The following STN1 variants were observed in gnomAD, a reference collection of about 807,000 sequenced individuals.
The protein encoded by STN1 is CST complex subunit STN1.
Under a neutral mutation model 45.5 loss-of-function variants are expected in STN1, and 29 were observed. The observed-to-expected ratio is 0.64, with a 90% CI of 0.47 to 0.87. The LOEUF is 0.87. Ranked by LOEUF, STN1 falls within the 40% of genes least tolerant of loss-of-function variation. The probability of loss-of-function intolerance (pLI) is 0.00; values close to 1 mark genes in which losing one functional copy is unlikely to be tolerated. For synonymous variants in STN1, 148 were observed against 159.0 expected, an observed-to-expected ratio of 0.93 and a Z score of 0.52; for missense variants, 376 against 441.4, an observed-to-expected ratio of 0.85 and a Z score of 1.33.
At chr10:103,911,010 T>G (rs951266037) in intron 2 of STN1, among the ~76,000 whole-genome samples, 2 of 49,628 alleles carry the variant, frequency 4.0e-5, no homozygotes, top group Non-Finnish European at 6.0e-5. Flanking sequence ...AAAGGCTTCT[T>G]TGGCTTTTTT....
At chr10:103,891,475 C>T (rs1843138972) in intron 8 of STN1, among the ~76,000 whole-genome samples, 1 of 152,158 alleles carries the variant, frequency 6.6e-6, no homozygotes, top group South Asian at 2.1e-4. Context: ...GGGTGTTGCT[C>T]CTGGTCTCTA....
chr10:103,912,821 G>A lies in STN1; in HGVS notation c.134-2199C>T, dbSNP rs572476462. Among the ~76,000 whole-genome samples, 6 of 152,322 alleles carry A rather than the reference G, an allele frequency of 3.9e-5. No homozygotes were observed. In the East Asian group the frequency reaches 5.8e-4, roughly 15 times the overall value. On this transcript the variant is annotated intron_variant, in intron 2 of 9. Transcript: ENST00000224950. ...GTTTTATAGAATAGGGCTGGCCCCC[G>A]CTCCCCTGGCCTACGTGATGGTCCT...
intron 3 of STN1, among the ~76,000 whole-genome samples, chr10:103,908,248 T>G (rs778538203): frequency 6.6e-6 from 1 of 150,720 alleles, no homozygotes; most frequent in Non-Finnish European, 1.5e-5. Context: ...AAGTGTTCTG[T>G]GCACTCTGGG....
chr10:103,910,628 A>G lies in STN1; in HGVS notation c.134-6T>C. On this transcript the variant is annotated splice_polypyrimidine_tract_variant and splice_region_variant and intron_variant, in intron 2 of 9. Transcript: ENST00000224950. The stretch of plus-strand genomic sequence containing the variant: ...TCCATTGTACAAAAATACACCTAAA[A>G]TTTAAAAAAAGCAAAGTCGACATAA... The G allele has an allele frequency of 1.3e-6, 2 of 1,566,192 alleles. No individual in the cohort carries two copies. Among genetic ancestry groups the G allele is most frequent in the South Asian group, 1.1e-5 (1 of 89,370 alleles).
chr10:103,900,665 T>A (rs1408555613), intron 4 of STN1, among the ~76,000 whole-genome samples: 1 of 151,774 alleles, frequency 6.6e-6, no homozygotes, highest in Non-Finnish European at 1.5e-5. Flanking sequence ...TCACCTCTCA[T>A]CTCTGTTGGG....
In STN1 at chr10:103,878,152, G is replaced by A. The variant is rs1002283071; in HGVS notation, c.*4532C>T. On this transcript the variant is annotated 3_prime_UTR_variant, in exon 10 of 10. Transcript: ENST00000224950. ...GGCTTACCATATGGGCATAATCATG[G>A]CTCTTCAAACAAATCCTTGACCAGA... 1 of 152,216 alleles carries A rather than the reference G, an allele frequency of 6.6e-6. No homozygotes were observed. Among genetic ancestry groups the A allele is most frequent in the Non-Finnish European group, 1.5e-5 (1 of 68,044 alleles). 9.4% of individuals were successfully genotyped at this position (152,216 alleles called of 1,614,324 possible).
Position 103,880,439 on chromosome 10 carries a change from G to A in STN1, c.*2245C>T, listed in dbSNP as rs1843060998. Among the ~76,000 whole-genome samples, 1 of 152,176 alleles carries A rather than the reference G, an allele frequency of 6.6e-6. No individual in the cohort carries two copies. Among genetic ancestry groups the A allele is most frequent in the Admixed American group, 6.5e-5 (1 of 15,280 alleles). ...AGCAATCTGGTCTTTTAGCCTTCAG[G>A]CTGATCTTTGCTTGAACGTGGGGTT... On this transcript the variant is annotated 3_prime_UTR_variant, in exon 10 of 10. Transcript: ENST00000224950.
Position 103,917,482 on chromosome 10 carries a change from T to G in STN1, c.113A>C (p.Lys38Thr), listed in dbSNP as rs1271998118. The G allele has an allele frequency of 6.2e-7, 1 of 1,613,668 alleles. No homozygotes were observed. Among genetic ancestry groups the G allele is most frequent in the African/African-American group, 1.3e-5 (1 of 74,890 alleles). ...CATACCTGGCACCTGGCGGGACTCC[T>G]TCATGTCCAGGATATCCCTGATGTA... ...KLYIRDILDM[K>T]ESRQVPGVFL... Residue 38 changes from lysine (K) to threonine (T), a missense_variant, in exon 2 of 10, where the codon AAG (lysine) becomes ACG (threonine). Physicochemically the swap from Lys to Thr is moderately conservative, Grantham distance 78. Transcript: ENST00000224950.
intron 2 of STN1, among the ~76,000 whole-genome samples, chr10:103,913,820 T>C (rs1000364052): frequency 6.6e-6 from 1 of 151,916 alleles, no homozygotes; most frequent in African/African-American, 2.4e-5. Context: ...GTTCCAGCCT[T>C]TCCCAAGGCC....
intron 2 of STN1, among the ~76,000 whole-genome samples, 180 bp downstream of exon 2, chr10:103,917,282 G>C (rs75691448): frequency 2.6e-3 from 256 of 100,000 alleles, no homozygotes; most frequent in African/African-American, 9.3e-3. Context: ...AAAAAAAAAA[G>C]ATTTAGACTG....
At chr10:103,898,850 G>C (rs995253920) in intron 6 of STN1, 27 bp downstream of exon 6, 12 of 1,612,624 alleles carry the variant, frequency 7.4e-6, no homozygotes, top group Non-Finnish European at 9.3e-6. Flanking sequence ...GTGGTCACGT[G>C]CTCAGCAGTG....
chr10:103,891,943 G>T (rs1843142143), intron 8 of STN1, among the ~76,000 whole-genome samples, 187 bp downstream of exon 8: 2 of 152,194 alleles, frequency 1.3e-5, no homozygotes, highest in Admixed American at 1.3e-4. Context: ...ATTCAAACTT[G>T]TGTGGTTCAT....
At chr10:103,887,382 C>T (rs773726428) in intron 9 of STN1, among the ~76,000 whole-genome samples, 4 of 152,170 alleles carry the variant, frequency 2.6e-5, no homozygotes, top group Non-Finnish European at 4.4e-5. Context: ...ACATATCCAA[C>T]AGGATATGCA....
chr10:103,895,937 A>C (rs1843168159), intron 7 of STN1, among the ~76,000 whole-genome samples: 1 of 152,182 alleles, frequency 6.6e-6, no homozygotes, highest in African/African-American at 2.4e-5. Flanking sequence ...TGTGAGACAT[A>C]CGTCAATGAA....
At chr10:103,905,687 G>A (rs928414107) in intron 3 of STN1, among the ~76,000 whole-genome samples, 3 of 152,128 alleles carry the variant, frequency 2.0e-5, no homozygotes, top group African/African-American at 4.8e-5. Context: ...TTCTCTTTGT[G>A]AAAGATCTTT....
intron 9 of STN1, among the ~76,000 whole-genome samples, chr10:103,886,033 C>T (rs1040861725): frequency 1.7e-4 from 26 of 152,182 alleles, no homozygotes; most frequent in Admixed American, 1.6e-3. Flanking sequence ...ACTACTATAA[C>T]TACAAAAGGT....
chr10:103,900,225 T>A lies in STN1; in HGVS notation c.296-2A>T, dbSNP rs746709576. ...GCTCTCTTGCTGCACTTGGAGCAGC[T>A]GTAGTTGTTTAGAGCCAGAGGGAAA... On this transcript the variant is annotated splice_acceptor_variant, in intron 4 of 9. Coordinates refer to ENST00000224950, the MANE Select transcript of STN1 (RefSeq NM_024928.5). LOFTEE classifies it high-confidence loss of function. 3.1e-6 allele frequency: 5 copies of A among 1,613,508 alleles called. No homozygotes were observed. The highest frequency in any genetic ancestry group is 4.2e-6 in the Non-Finnish European group (5 of 1,179,728).
intron 2 of STN1, among the ~76,000 whole-genome samples, chr10:103,913,044 G>T (rs1843301882): frequency 6.6e-6 from 1 of 152,250 alleles, no homozygotes; most frequent in African/African-American, 2.4e-5. Flanking sequence ...AAAGTCCCAG[G>T]ATTCTTTGGG....
chr10:103,902,221 C>T (rs1843214320), intron 4 of STN1, among the ~76,000 whole-genome samples: 1 of 152,156 alleles, frequency 6.6e-6, no homozygotes, highest in Non-Finnish European at 1.5e-5. Flanking sequence ...ATCAGCATTA[C>T]CGCTGCTCAG....
Sources: gnomAD v4.1 joint callset for allele counts (sites outside exome capture counted in the v4.1 genomes callset) on GRCh38, gnomAD v4.1.1 for gene constraint, MANE v1.5 for transcripts, NCBI Gene and HGNC (gene_info 2026-07-23, HGNC 2026-07-21) for gene names.